Variants in CNTN1 observed in about 807,000 individuals in gnomAD.
The protein encoded by CNTN1 is contactin-1.
Under a neutral mutation model 126.4 loss-of-function variants are expected in CNTN1, and 38 were observed. The observed-to-expected ratio is 0.30, with a 90% confidence interval of 0.23 to 0.39. The LOEUF is 0.39. Among genes scored for constraint, CNTN1 ranks in the 10% least tolerant of loss-of-function variants. The pLI is 1.00. For missense variants in CNTN1, 1,009 were observed against 1,248.4 expected, an observed-to-expected ratio of 0.81 and a Z score of 2.89; for synonymous variants, 413 against 422.6, an observed-to-expected ratio of 0.98 and a Z score of 0.28.
intron 1 of CNTN1, among the ~76,000 whole-genome samples, chr12:40,759,372 G>T (rs1938746667): frequency 6.6e-6 from 1 of 152,040 alleles, no homozygotes; most frequent in Admixed American, 6.5e-5. Context: ...AAAACCAGAG[G>T]TCTCTGTTAG....
intron 1 of CNTN1, among the ~76,000 whole-genome samples, chr12:40,895,214 G>A (rs774486980): frequency 9.9e-5 from 15 of 152,162 alleles, no homozygotes; most frequent in Non-Finnish European, 1.9e-4. Context: ...GGTATTCATA[G>A]TCATCCTGGG....
chr12:40,971,354 C>A, intron 15 of CNTN1: 1 of 1,231,508 alleles, frequency 8.1e-7, no homozygotes, highest in Middle Eastern at 1.9e-4. Flanking sequence ...GGAAATAGGG[C>A]AAATCCCCCA....
chr12:40,849,700 G>C (rs1332134735), intron 1 of CNTN1, among the ~76,000 whole-genome samples: 1 of 151,984 alleles, frequency 6.6e-6, no homozygotes. Flanking sequence ...TGTAGTAATT[G>C]CTAATGTATA....
intron 1 of CNTN1, among the ~76,000 whole-genome samples, chr12:40,797,441 A>G (rs12301708): frequency 0.031 from 4,676 of 152,122 alleles, 148 homozygotes; most frequent in African/African-American, 0.083. Flanking sequence ...ATGCAGAGAC[A>G]GAGAGTATGT....
chr12:40,854,649 C>A (rs1487356774), intron 1 of CNTN1, among the ~76,000 whole-genome samples: 1 of 152,074 alleles, frequency 6.6e-6, no homozygotes, highest in Non-Finnish European at 1.5e-5. Flanking sequence ...CTTTTCACTT[C>A]CGTTAACATT....
At chr12:41,002,554 C>CTTTTTTTTTTTTTTTTTTTTTTTTTTT (rs200237008) in intron 17 of CNTN1, among the ~76,000 whole-genome samples, 1 of 131,514 alleles carries the variant, frequency 7.6e-6, no homozygotes, top group African/African-American at 3.1e-5. Context: ...TATAGGGTTT[C>CTTTTTTTTTTTTTTTTTTTTTTTTTTT]TTTCTTTTTT....
chr12:40,995,314 C>A (rs1257134737), intron 17 of CNTN1, among the ~76,000 whole-genome samples: 1 of 152,052 alleles, frequency 6.6e-6, no homozygotes, highest in Non-Finnish European at 1.5e-5. Context: ...TTTAATGGAA[C>A]TCTGCCATTC....
chr12:40,756,164 G>A (rs1045305096), intron 1 of CNTN1, among the ~76,000 whole-genome samples: 1 of 152,068 alleles, frequency 6.6e-6, no homozygotes, highest in Non-Finnish European at 1.5e-5. Context: ...AATGTGTCAT[G>A]AAATTTAAGC....
At chr12:40,834,365 C>T (rs1379169424) in intron 1 of CNTN1, among the ~76,000 whole-genome samples, 1 of 152,170 alleles carries the variant, frequency 6.6e-6, no homozygotes, top group Non-Finnish European at 1.5e-5. Context: ...CGTAATAGCC[C>T]TTTGAGAAAT....
chr12:40,711,967 G>T (rs1941925128), intron 1 of CNTN1, among the ~76,000 whole-genome samples: 1 of 152,068 alleles, frequency 6.6e-6, no homozygotes, highest in South Asian at 2.1e-4. Flanking sequence ...TGATTGTCTT[G>T]TCTCAGTTTC....
At chr12:40,746,614 T>C (rs1056467724) in intron 1 of CNTN1, among the ~76,000 whole-genome samples, 34 of 152,126 alleles carry the variant, frequency 2.2e-4, no homozygotes, top group African/African-American at 8.2e-4. Flanking sequence ...ATTGGCATAC[T>C]TCCAAGGTCT....
chr12:40,950,419 G>A (rs1946629986), intron 14 of CNTN1, among the ~76,000 whole-genome samples: 1 of 152,118 alleles, frequency 6.6e-6, no homozygotes, highest in South Asian at 2.1e-4. Flanking sequence ...ATCCAAAATA[G>A]TTTAAGTAGT....
chr12:40,869,702 T>C (rs1200813498), intron 1 of CNTN1, among the ~76,000 whole-genome samples: 2 of 152,214 alleles, frequency 1.3e-5, no homozygotes, highest in Non-Finnish European at 2.9e-5. Flanking sequence ...TTGCAAAATC[T>C]ATAGTGGTTT....
intron 15 of CNTN1, among the ~76,000 whole-genome samples, chr12:40,980,317 G>A (rs560061942): frequency 6.6e-6 from 1 of 152,038 alleles, no homozygotes; most frequent in South Asian, 2.1e-4. Context: ...GTTGTGGAGT[G>A]CTTGTAGTCC....
In CNTN1 at chr12:40,717,244, G is replaced by C. The variant is rs149949548; in HGVS notation, c.-77+24652G>C. Reference sequence around the variant, plus strand: ...CTTTAACAGTCATTTGTATTAAGCTGAAACACAGTTGAACCTCTGTATAGA... The same window carrying C: ...CTTTAACAGTCATTTGTATTAAGCTCAAACACAGTTGAACCTCTGTATAGA... On this transcript the variant is annotated intron_variant, in intron 1 of 23. Transcript: ENST00000551295. 4.7e-4 allele frequency among the ~76,000 whole-genome samples: 72 copies of C among 152,154 alleles called. 1 individual carries two copies. The highest frequency in any genetic ancestry group is 1.7e-3 in the African/African-American group (70 of 41,532).
At chr12:40,908,145 G>T (rs1453557522) in intron 1 of CNTN1, among the ~76,000 whole-genome samples, 8 of 152,158 alleles carry the variant, frequency 5.3e-5, no homozygotes, top group Admixed American at 2.6e-4. Context: ...TCCAGTCTTT[G>T]CATTACACGG....
intron 17 of CNTN1, among the ~76,000 whole-genome samples, chr12:41,009,432 T>A (rs1297048977): frequency 6.6e-6 from 1 of 152,204 alleles, no homozygotes; most frequent in African/African-American, 2.4e-5. Context: ...ATGCTGGCAA[T>A]CCTTTAACCA....
At chr12:40,808,530 T>G (rs940213129) in intron 1 of CNTN1, among the ~76,000 whole-genome samples, 1 of 151,842 alleles carries the variant, frequency 6.6e-6, no homozygotes, top group African/African-American at 2.4e-5. Context: ...TATTAAAATG[T>G]ATAGGAATGA....
intron 1 of CNTN1, among the ~76,000 whole-genome samples, chr12:40,847,850 G>A (rs943288414): frequency 6.6e-6 from 1 of 152,150 alleles, no homozygotes; most frequent in African/African-American, 2.4e-5. Flanking sequence ...CCACGGATGG[G>A]GTGAGGATGG....
Sources: gnomAD v4.1 joint callset for allele counts (sites outside exome capture counted in the v4.1 genomes callset) on GRCh38, gnomAD v4.1.1 for gene constraint, MANE v1.5 for transcripts, NCBI Gene and HGNC (gene_info 2026-07-23, HGNC 2026-07-21) for gene names.